Variants in SSBP2 observed in about 807,000 individuals in gnomAD.
SSBP2 encodes the protein single-stranded DNA-binding protein 2.
SSBP2 carries 17 observed loss-of-function variants against 61.8 expected under a neutral mutation model. That is an observed-to-expected ratio of 0.28 (90% CI 0.19 to 0.41). The LOEUF (loss-of-function observed/expected upper bound fraction) is 0.41, where lower values mean the gene tolerates loss of function less well. Among genes scored for constraint, SSBP2 ranks in the 10% least tolerant of loss-of-function variants. The pLI, the probability that SSBP2 is intolerant of heterozygous loss-of-function variation, is 1.00. For missense variants in SSBP2, 310 were observed against 458.7 expected (o/e 0.68, Z 2.96); for synonymous variants, 139 against 141.3 (o/e 0.98, Z 0.12).
rs527338537 is a variant in SSBP2, at chr5:81,732,813, T to A, written c.62+18168A>T. ...ACCCTTTCTAGTAAACATACTTTTT[T>A]AAAAAAAGATACCACCACCACCCCC... On this transcript the variant is annotated intron_variant, in intron 1 of 16. Transcript: ENST00000320672. 4.5e-4 allele frequency among the ~76,000 whole-genome samples: 69 copies of A among 152,278 alleles called. No individual in the cohort carries two copies. In the South Asian group the frequency reaches 0.014, roughly 30 times the overall value.
At chr5:81,615,679 C>T in intron 3 of SSBP2, 122 bp from the exon 4 acceptor site, 1 of 601,826 alleles carries the variant, frequency 1.7e-6, no homozygotes. Context: ...GAACAGATAT[C>T]TATCTGAAAG....
At chr5:81,646,611 CTTT>C (rs56787398) in intron 2 of SSBP2, among the ~76,000 whole-genome samples, 27 of 131,904 alleles carry the variant, frequency 2.0e-4, no homozygotes, top group Admixed American at 3.9e-4. Flanking sequence ...TTACATTCTC[CTTT>C]TTTTTTTTTT....
At chr5:81,689,392 A>T (rs577050270) in intron 1 of SSBP2, among the ~76,000 whole-genome samples, 1 of 152,264 alleles carries the variant, frequency 6.6e-6, no homozygotes, top group South Asian at 2.1e-4. Flanking sequence ...AAGCATATTT[A>T]ACCGAAATAA....
intron 6 of SSBP2, among the ~76,000 whole-genome samples, chr5:81,480,213 A>C (rs912970785): frequency 6.6e-6 from 1 of 152,262 alleles, no homozygotes; most frequent in Non-Finnish European, 1.5e-5. Context: ...CAAAGAATGC[A>C]TCATAACTTC....
At chr5:81,706,816 T>C (rs1256313427) in intron 1 of SSBP2, among the ~76,000 whole-genome samples, 1 of 152,176 alleles carries the variant, frequency 6.6e-6, no homozygotes, top group East Asian at 1.9e-4. Flanking sequence ...TAATCTCAAC[T>C]TTCCTTCAGA....
intron 4 of SSBP2, among the ~76,000 whole-genome samples, chr5:81,586,590 T>A (rs960990356): frequency 6.6e-5 from 10 of 151,452 alleles, no homozygotes; most frequent in African/African-American, 9.7e-5. Context: ...TTTTGGATGT[T>A]TTCTGTAAGG....
chr5:81,557,055 C>T (rs1166378970), intron 4 of SSBP2, among the ~76,000 whole-genome samples: 4 of 152,120 alleles, frequency 2.6e-5, no homozygotes, highest in South Asian at 2.1e-4. Flanking sequence ...CCTTCATACT[C>T]TGGTACTCCT....
At chr5:81,609,554 T>C (rs1292769497) in intron 4 of SSBP2, among the ~76,000 whole-genome samples, 2 of 152,192 alleles carry the variant, frequency 1.3e-5, no homozygotes, top group African/African-American at 4.8e-5. Context: ...ATCCAAGTAA[T>C]TTGTACATAA....
intron 4 of SSBP2, among the ~76,000 whole-genome samples, chr5:81,563,367 A>C (rs1036403202): frequency 1.4e-4 from 21 of 152,188 alleles, no homozygotes; most frequent in Non-Finnish European, 2.9e-5. Flanking sequence ...CTCAAAGCAG[A>C]CCATAGAACA....
chr5:81,527,551 T>C (rs1770043686), intron 4 of SSBP2, among the ~76,000 whole-genome samples: 1 of 152,068 alleles, frequency 6.6e-6, no homozygotes, highest in Non-Finnish European at 1.5e-5. Context: ...TAAGTTAATC[T>C]AGAATATGTA....
intron 15 of SSBP2, among the ~76,000 whole-genome samples, chr5:81,437,157 TA>T (rs1762724392): frequency 6.6e-6 from 1 of 151,304 alleles, no homozygotes; most frequent in South Asian, 2.3e-4. Flanking sequence ...TTAATGTGAT[TA>T]AATTTGTTAT....
intron 1 of SSBP2, among the ~76,000 whole-genome samples, chr5:81,727,392 A>G (rs1755963882): frequency 6.6e-6 from 1 of 152,158 alleles, no homozygotes. Context: ...TCTACTAAAA[A>G]TACAAAGTTA....
chr5:81,567,633 G>T (rs1773525574), intron 4 of SSBP2, among the ~76,000 whole-genome samples: 1 of 152,150 alleles, frequency 6.6e-6, no homozygotes. Flanking sequence ...CCAGACCCCA[G>T]CATGGTAGAT....
At chr5:81,733,535 G>A (rs1756402699) in intron 1 of SSBP2, among the ~76,000 whole-genome samples, 1 of 152,024 alleles carries the variant, frequency 6.6e-6, no homozygotes. Context: ...TTCAAAAAAC[G>A]TGAATTTATT....
intron 9 of SSBP2, among the ~76,000 whole-genome samples, chr5:81,463,148 A>G (rs529966569): frequency 6.6e-6 from 1 of 152,210 alleles, no homozygotes; most frequent in South Asian, 2.1e-4. Flanking sequence ...AATAATTCAT[A>G]TGGATAAGTT....
chr5:81,436,600 C>T (rs1272070491), intron 15 of SSBP2, among the ~76,000 whole-genome samples: 2 of 151,992 alleles, frequency 1.3e-5, no homozygotes, highest in Non-Finnish European at 2.9e-5. Context: ...CATTATTATA[C>T]ATAAATATAA....
At chr5:81,495,485 T>C (rs1767208733) in intron 5 of SSBP2, among the ~76,000 whole-genome samples, 1 of 152,216 alleles carries the variant, frequency 6.6e-6, no homozygotes, top group Non-Finnish European at 1.5e-5. Flanking sequence ...AGGGCCAGTT[T>C]TGAAACACTG....
intron 4 of SSBP2, among the ~76,000 whole-genome samples, chr5:81,528,441 T>C (rs1770128298): frequency 1.3e-5 from 2 of 152,074 alleles, no homozygotes; most frequent in African/African-American, 2.4e-5. Context: ...ACAACCTTTA[T>C]GTTAACATTC....
intron 1 of SSBP2, among the ~76,000 whole-genome samples, chr5:81,657,008 C>T (rs767442240): frequency 5.9e-5 from 9 of 152,070 alleles, no homozygotes; most frequent in Non-Finnish European, 1.0e-4. Flanking sequence ...ATGCTTCCCA[C>T]GCTCATGGAA....
Sources: allele counts gnomAD v4.1 joint callset (sites outside exome capture counted in the v4.1 genomes callset), GRCh38; gene constraint gnomAD v4.1.1; transcripts MANE v1.5; gene names NCBI Gene and HGNC (gene_info 2026-07-23, HGNC 2026-07-21).